The following KCTD1 variants were observed in gnomAD, a reference collection of about 807,000 sequenced individuals.
KCTD1 encodes the protein potassium channel tetramerization domain containing 1.
KCTD1 carries 24 observed loss-of-function variants against 66.0 expected under a neutral mutation model. That is an observed-to-expected ratio of 0.36 (90% CI 0.26 to 0.51). The LOEUF (loss-of-function observed/expected upper bound fraction) is 0.51. Ranked by LOEUF, KCTD1 falls within the 20% of genes least tolerant of loss-of-function variation. The probability of loss-of-function intolerance (pLI) is 0.95; values close to 1 mark genes in which losing one functional copy is unlikely to be tolerated. For synonymous variants in KCTD1, 511 were observed against 517.2 expected (o/e 0.99, Z 0.16); for missense variants, 943 against 1,205.2 (o/e 0.78, Z 3.22).
At chr18:26,522,458 C>T (rs1386847491) in intron 1 of KCTD1, among the ~76,000 whole-genome samples, 3 of 152,198 alleles carry the variant, frequency 2.0e-5, no homozygotes, top group African/African-American at 7.2e-5. Context: ...CGACCTTGAT[C>T]TCAGACTTCC....
At chr18:26,532,259 TTC>T (rs1251259909) in intron 1 of KCTD1, among the ~76,000 whole-genome samples, 2 of 23,224 alleles carry the variant, frequency 8.6e-5, no homozygotes, top group African/African-American at 1.7e-4. Flanking sequence ...TTTTCTTTCC[TTC>T]TTTTTTTTTT....
chr18:26,562,288 G>C (rs1985876074), intron 1 of KCTD1, among the ~76,000 whole-genome samples: 1 of 152,146 alleles, frequency 6.6e-6, no homozygotes. Context: ...CTGGCCTCCA[G>C]TGGTGCCATC....
intron 1 of KCTD1, among the ~76,000 whole-genome samples, chr18:26,555,976 G>A (rs1985697941): frequency 6.6e-6 from 1 of 152,100 alleles, no homozygotes; most frequent in Non-Finnish European, 1.5e-5. Context: ...TTCACAGGAT[G>A]TGTGGAGGAG....
intron 1 of KCTD1, among the ~76,000 whole-genome samples, chr18:26,628,197 C>T (rs1987543905): frequency 6.6e-6 from 1 of 152,052 alleles, no homozygotes; most frequent in South Asian, 2.1e-4. Context: ...TTATATAAGC[C>T]TTTGGACCTC....
chr18:26,599,868 G>C (rs1192323439), intron 1 of KCTD1: 6 of 1,551,038 alleles, frequency 3.9e-6, no homozygotes, highest in Non-Finnish European at 5.3e-6. Flanking sequence ...ACAGCCTGCT[G>C]TTTGTTCAGA....
At chr18:26,483,742 C>T (rs564075101) in intron 2 of KCTD1, among the ~76,000 whole-genome samples, 17 of 152,018 alleles carry the variant, frequency 1.1e-4, no homozygotes, top group Non-Finnish European at 2.1e-4. Context: ...GCATGCACAA[C>T]GGAGATGTGT....
chr18:26,532,952 T>C (rs1984520453), intron 1 of KCTD1, among the ~76,000 whole-genome samples: 1 of 152,204 alleles, frequency 6.6e-6, no homozygotes, highest in African/African-American at 2.4e-5. Flanking sequence ...GCGAAGTTGG[T>C]GCTCAATAAA....
Position 26,489,467 on chromosome 18 carries a change from T to A in KCTD1, c.1988+11605A>T, listed in dbSNP as rs57855128. Among the ~76,000 whole-genome samples the A allele has an allele frequency of 1.2e-4, 19 of 152,290 alleles. No homozygotes were observed. The East Asian group carries it at 3.5e-3, about 28-fold the overall frequency. ...TTTCCCTGTGTTTCCCAAGCTGGTG[T>A]TGAACTTCCAGCTTCAAGCAATCCT... On this transcript the variant is annotated intron_variant, in intron 2 of 4. Transcript: ENST00000580059.
chr18:26,550,581 C>G (rs558340977), upstream of KCTD1, among the ~76,000 whole-genome samples: 9,356 of 151,094 alleles, frequency 0.062, 361 homozygotes, highest in African/African-American at 0.11. The surrounding 1 kb of genome is among the most constrained non-coding windows in gnomAD (Gnocchi z 5.4). Flanking sequence ...CACACACACA[C>G]ACACACACAC....
chr18:26,496,913 C>T (rs1396811978), intron 2 of KCTD1, among the ~76,000 whole-genome samples: 5 of 152,176 alleles, frequency 3.3e-5, no homozygotes, highest in Non-Finnish European at 1.5e-5. Context: ...CATCTTGGTG[C>T]CATTCAGAGT....
intron 3 of KCTD1, among the ~76,000 whole-genome samples, chr18:26,471,953 C>T (rs565234342): frequency 1.1e-4 from 16 of 152,190 alleles, no homozygotes; most frequent in East Asian, 3.9e-4. Flanking sequence ...ATTCGCGATG[C>T]GTCCAGGAGG....
chr18:26,549,881 C>T, upstream of KCTD1: 1 of 857,476 alleles, frequency 1.2e-6, no homozygotes, highest in Middle Eastern at 6.0e-4. Flanking sequence ...GCCAAACGCC[C>T]GCCCCCGGCG....
At chr18:26,603,266 C>A (rs1340726068) in intron 1 of KCTD1, among the ~76,000 whole-genome samples, 1 of 151,346 alleles carries the variant, frequency 6.6e-6, no homozygotes, top group South Asian at 2.1e-4. Context: ...CTTGTCTGTA[C>A]TAGAAATACA....
intron 1 of KCTD1, among the ~76,000 whole-genome samples, chr18:26,587,522 AT>A (rs1177914086): frequency 2.0e-5 from 3 of 152,206 alleles, no homozygotes; most frequent in Admixed American, 6.5e-5. Context: ...TAAGAAATCC[AT>A]TTCATAACGT....
rs558371155 is a variant in KCTD1, at chr18:26,657,221, C to T, written c.9+139G>A. ...GGGTCCAAGCGGATTCCTAGTCGCC[C>T]GCCGCGGCGGGCGGCGTGTGTGCGA... On this transcript the variant is annotated intron_variant, in intron 1 of 4. Transcript: ENST00000580191. 5.2e-5 allele frequency: 32 copies of T among 612,020 alleles called. No individual in the cohort carries two copies. In the African/African-American group the frequency reaches 5.7e-4, roughly 11 times the overall value. 37.9% of individuals were successfully genotyped at this position (612,020 alleles called of 1,614,324 possible). A position where few individuals can be genotyped will look rare whatever the true frequency, so the allele number is the denominator to read the frequency against.
chr18:26,567,687 C>T (rs1356873135), intron 1 of KCTD1, among the ~76,000 whole-genome samples: 1 of 151,952 alleles, frequency 6.6e-6, no homozygotes, highest in Non-Finnish European at 1.5e-5. Context: ...GAGGGTTTCA[C>T]CATGTTGGCC....
At chr18:26,479,368 A>C (rs1981511249) in intron 2 of KCTD1, among the ~76,000 whole-genome samples, 1 of 152,020 alleles carries the variant, frequency 6.6e-6, no homozygotes, top group African/African-American at 2.4e-5. Context: ...GCAGCAAGAA[A>C]GGCCCAGGCC....
chr18:26,631,819 C>T (rs569161729), upstream of KCTD1, among the ~76,000 whole-genome samples: 1 of 152,086 alleles, frequency 6.6e-6, no homozygotes, highest in South Asian at 2.1e-4. Flanking sequence ...GAGGCCGAGG[C>T]GGGCGGATCA....
At position 26,476,420 on chromosome 18, in the gene KCTD1, G is replaced by T; in HGVS notation, c.2133+95C>A. 1 of 1,177,948 alleles carries T rather than the reference G, an allele frequency of 8.5e-7. No individual in the cohort carries two copies. Among genetic ancestry groups the T allele is most frequent in the Non-Finnish European group, 1.2e-6 (1 of 847,190 alleles). The allele number at this position is 1,177,948 out of a possible 1,614,324, so 73.0% of individuals were successfully genotyped here. ...GAGAACTCTGGCACCTTTCGAGTTG[G>T]TGTATGTTAATAATGTAGAACTAGA... On this transcript the variant is annotated intron_variant, in intron 3 of 4. Coordinates refer to ENST00000580059, the MANE Select transcript of KCTD1 (RefSeq NM_001142730.3). This position sits in a 1 kb window ranked among gnomAD's most constrained non-coding sequence, Gnocchi z 4.9.
Sources: gnomAD v4.1 joint callset for allele counts (sites outside exome capture counted in the v4.1 genomes callset) on GRCh38, gnomAD v4.1.1 for gene constraint, Gnocchi (gnomAD v3.1) non-coding constraint, MANE v1.5 for transcripts, NCBI Gene and HGNC (gene_info 2026-07-23, HGNC 2026-07-21) for gene names.